Variants in SYNDIG1L observed in about 807,000 individuals in gnomAD.
SYNDIG1L encodes the protein synapse differentiation inducing 1 like.
A neutral mutation model predicts 20.1 loss-of-function variants in SYNDIG1L; 13 were observed. The observed-to-expected ratio is 0.65, with a 90% CI of 0.42 to 1.03. The LOEUF (loss-of-function observed/expected upper bound fraction) is 1.03. Ranked by LOEUF, SYNDIG1L falls within the 50% of genes least tolerant of loss-of-function variation. The pLI, the probability that SYNDIG1L is intolerant of heterozygous loss-of-function variation, is 0.00. For synonymous variants in SYNDIG1L, 128 were observed against 129.3 expected, an observed-to-expected ratio of 0.99 and a Z score of 0.07; for missense variants, 294 against 305.1, an observed-to-expected ratio of 0.96 and a Z score of 0.27.
At chr14:74,425,001 AGTTGT>A (rs2086253718) in intron 1 of SYNDIG1L, among the ~76,000 whole-genome samples, 1 of 152,106 alleles carries the variant, frequency 6.6e-6, no homozygotes, top group South Asian at 2.1e-4. Context: ...GGGGTAGGGA[AGTTGT>A]GTTGGGTTGG....
chr14:74,466,270 T>G, the SYNDIG1L span, among the ~76,000 whole-genome samples: 1 of 152,036 alleles, frequency 6.6e-6, no homozygotes, highest in Non-Finnish European at 1.5e-5. Flanking sequence ...GCAGGGCCCA[T>G]GTCATAATCA....
the SYNDIG1L span, among the ~76,000 whole-genome samples, chr14:74,455,550 G>C: frequency 6.6e-5 from 10 of 152,142 alleles, no homozygotes; most frequent in Admixed American, 3.3e-4. Context: ...CTCCTGAGTA[G>C]CTGGGATTAC....
At chr14:74,454,783 G>A in the SYNDIG1L span, among the ~76,000 whole-genome samples, 2 of 152,180 alleles carry the variant, frequency 1.3e-5, no homozygotes, top group Non-Finnish European at 2.9e-5. Flanking sequence ...CAGAAGGCTG[G>A]CATCCTTTCC....
chr14:74,462,583 G>A, the SYNDIG1L span, among the ~76,000 whole-genome samples: 1 of 151,536 alleles, frequency 6.6e-6, no homozygotes, highest in Non-Finnish European at 1.5e-5. Context: ...ATGGCTCACT[G>A]CAGCCCTGAA....
chr14:74,428,125 C>T (rs1312918192), upstream of SYNDIG1L, among the ~76,000 whole-genome samples: 1 of 152,252 alleles, frequency 6.6e-6, no homozygotes, highest in Non-Finnish European at 1.5e-5. Flanking sequence ...AGGTTCTAGT[C>T]TCGCCTTTGT....
upstream of SYNDIG1L, among the ~76,000 whole-genome samples, chr14:74,430,440 CTTTT>C: frequency 6.8e-6 from 1 of 147,200 alleles, no homozygotes; most frequent in East Asian, 2.0e-4. Context: ...AATACGCATT[CTTTT>C]TTTTTTTTTG....
At chr14:74,416,007 T>C (rs1258158745) in intron 1 of SYNDIG1L, among the ~76,000 whole-genome samples, 4 of 152,170 alleles carry the variant, frequency 2.6e-5, no homozygotes, top group Admixed American at 2.0e-4. Flanking sequence ...TTCCACTTAT[T>C]TGAAAGTCTA....
Position 74,407,667 on chromosome 14 carries a change from G to A in SYNDIG1L, c.585C>T (p.Asp195=). ...QGTSKAISKG[D]FRLASTTSRR... is the part of the protein sequence containing the mutation. ...GGGAGGTGGTGCTGGCCAGGCGGAA[G>A]TCCCCTTTGGAGATGGCCTTGCTGG... The change falls in exon 4 of 4, where the codon GAC becomes GAT. Residue 195 remains aspartate (D), a synonymous_variant. Coordinates refer to ENST00000331628, the MANE Select transcript of SYNDIG1L (RefSeq NM_001105579.2). The A allele has an allele frequency of 6.2e-7, 1 of 1,611,346 alleles. No individual in the cohort carries two copies. Among genetic ancestry groups the A allele is most frequent in the Non-Finnish European group, 8.5e-7 (1 of 1,178,590 alleles).
At chr14:74,453,389 A>G in the SYNDIG1L span, among the ~76,000 whole-genome samples, 150 of 64,138 alleles carry the variant, frequency 2.3e-3, no homozygotes, top group African/African-American at 6.8e-3. Flanking sequence ...AAAAAAAAAA[A>G]AAGAAGAAGA....
intron 1 of SYNDIG1L, among the ~76,000 whole-genome samples, chr14:74,419,791 A>C (rs1350373763): frequency 6.6e-6 from 1 of 152,184 alleles, no homozygotes; most frequent in African/African-American, 2.4e-5. Context: ...TGAAGGAAAA[A>C]GTAATAGGAA....
At chr14:74,463,826 A>G in the SYNDIG1L span, among the ~76,000 whole-genome samples, 25 of 152,344 alleles carry the variant, frequency 1.6e-4, no homozygotes, top group African/African-American at 6.0e-4. Flanking sequence ...GAAGCATTAA[A>G]TGCCAGAAAT....
chr14:74,426,151 CCCG>C lies in SYNDIG1L; in HGVS notation c.-300_-298del, dbSNP rs891792774. On this transcript the variant is annotated 5_prime_UTR_variant, in exon 1 of 4. Transcript: ENST00000331628. ...CGGGAGCCCCGCATCCTGGCCGGGC[CCCG>C]CCGCCGCCGCCGCCGCGCAGCCCTC... is the stretch of plus-strand genomic sequence containing the variant. 8.7e-5 allele frequency: 13 copies of C among 148,748 alleles called. No homozygotes were observed. The highest frequency in any genetic ancestry group is 1.2e-4 in the Non-Finnish European group (8 of 66,592). The allele number at this position is 148,748 out of a possible 1,614,324, so 9.2% of individuals were successfully genotyped here. A position where few individuals can be genotyped will look rare whatever the true frequency, so the allele number is the denominator to read the frequency against.
chr14:74,410,767 T>A (rs2086124472), intron 1 of SYNDIG1L, among the ~76,000 whole-genome samples: 1 of 152,132 alleles, frequency 6.6e-6, no homozygotes, highest in Non-Finnish European at 1.5e-5. Flanking sequence ...AGCTGTCAGC[T>A]CTTACTGAGG....
At chr14:74,426,707 T>TCCCCTCCCCCTGCC (rs891789422), upstream of SYNDIG1L, among the ~76,000 whole-genome samples, 1 of 141,992 alleles carries the variant, frequency 7.0e-6, no homozygotes, top group African/African-American at 2.6e-5. Context: ...CTTCCCCTCT[T>TCCCCTCCCCCTGCC]CCCCTCCCCC....
At chr14:74,430,589 C>T (rs759653755), upstream of SYNDIG1L, among the ~76,000 whole-genome samples, 4 of 152,022 alleles carry the variant, frequency 2.6e-5, no homozygotes, top group African/African-American at 2.4e-5. Context: ...GTGTGTGCTA[C>T]CATACCTAGC....
the SYNDIG1L span, among the ~76,000 whole-genome samples, chr14:74,447,624 A>G: frequency 6.6e-6 from 1 of 152,000 alleles, no homozygotes; most frequent in African/African-American, 2.4e-5. Context: ...ACAGTGAAAA[A>G]CTAGACAAAT....
rs970604417 is a variant in SYNDIG1L at position 74,407,411 on chromosome 14, C to A, written c.*124G>T. The A allele has an allele frequency of 3.7e-6, 5 of 1,368,496 alleles. No individual in the cohort carries two copies. The highest frequency in any genetic ancestry group is 4.0e-6 in the Non-Finnish European group (4 of 1,000,772). 84.8% of individuals were successfully genotyped at this position (1,368,496 alleles called of 1,614,324 possible). A position where few individuals can be genotyped will look rare whatever the true frequency, so the allele number is the denominator to read the frequency against. On this transcript the variant is annotated 3_prime_UTR_variant, in exon 4 of 4. Transcript: ENST00000331628. ...TGCAGGCTGTGGAATGGGGGTCTCC[C>A]CCTCAGCAAGCCACTCTCACGGGAT...
the SYNDIG1L span, among the ~76,000 whole-genome samples, chr14:74,442,969 G>T: frequency 6.6e-6 from 1 of 152,226 alleles, no homozygotes; most frequent in African/African-American, 2.4e-5. Flanking sequence ...CTTTGGACCT[G>T]TTGGCTTATG....
At chr14:74,478,186 C>T in the SYNDIG1L span, among the ~76,000 whole-genome samples, 4 of 152,132 alleles carry the variant, frequency 2.6e-5, no homozygotes, top group African/African-American at 9.7e-5. Context: ...TAATCCTAAT[C>T]GACCACCCCA....
Sources: allele counts gnomAD v4.1 joint callset (sites outside exome capture counted in the v4.1 genomes callset), GRCh38; gene constraint gnomAD v4.1.1; transcripts MANE v1.5; gene names NCBI Gene and HGNC (gene_info 2026-07-23, HGNC 2026-07-21).